Variants in SEZ6L observed in about 807,000 individuals in gnomAD.
SEZ6L encodes seizure 6-like protein.
A neutral mutation model predicts 106.2 loss-of-function variants in SEZ6L; 37 were observed. The observed-to-expected ratio is 0.35, with a 90% CI of 0.27 to 0.46. The LOEUF (loss-of-function observed/expected upper bound fraction) is 0.46, where lower values mean the gene tolerates loss of function less well. Among genes scored for constraint, SEZ6L ranks in the 20% least tolerant of loss-of-function variants. The probability of loss-of-function intolerance (pLI) is 1.00; values close to 1 mark genes in which losing one functional copy is unlikely to be tolerated. For synonymous variants in SEZ6L, 541 were observed against 570.4 expected, an observed-to-expected ratio of 0.95 and a Z score of 0.73; for missense variants, 1,172 against 1,332.8, an observed-to-expected ratio of 0.88 and a Z score of 1.88.
chr22:26,282,541 T>C (rs1297130032), intron 1 of SEZ6L, among the ~76,000 whole-genome samples: 3 of 152,170 alleles, frequency 2.0e-5, no homozygotes, highest in Non-Finnish European at 4.4e-5. Flanking sequence ...GTGGAGCATG[T>C]CTGCAAAGCA....
intron 1 of SEZ6L, among the ~76,000 whole-genome samples, chr22:26,196,647 G>A (rs984201535): frequency 5.3e-5 from 8 of 152,196 alleles, no homozygotes; most frequent in Non-Finnish European, 1.0e-4. Flanking sequence ...CACTTTGACT[G>A]CTGGGTGGAG....
intron 1 of SEZ6L, among the ~76,000 whole-genome samples, chr22:26,278,719 C>T (rs2080638006): frequency 6.7e-6 from 1 of 148,958 alleles, no homozygotes; most frequent in South Asian, 2.1e-4. Context: ...AAATGTGTTC[C>T]ATCATTAAAA....
intron 1 of SEZ6L, among the ~76,000 whole-genome samples, chr22:26,175,182 A>G (rs1266118335): frequency 1.3e-5 from 2 of 152,186 alleles, no homozygotes; most frequent in African/African-American, 2.4e-5. Context: ...AATGCCTAAC[A>G]CAGTCCCTGG....
intron 8 of SEZ6L, among the ~76,000 whole-genome samples, chr22:26,312,249 C>G (rs2081861143): frequency 6.6e-6 from 1 of 152,248 alleles, no homozygotes; most frequent in African/African-American, 2.4e-5. Context: ...AATACTCCCT[C>G]TGCTACGCAT....
At chr22:26,356,990 T>G (rs1030531545) in intron 12 of SEZ6L, among the ~76,000 whole-genome samples, 4 of 151,878 alleles carry the variant, frequency 2.6e-5, no homozygotes, top group African/African-American at 9.7e-5. Context: ...CTGGCTCTGT[T>G]GCCCAGGCCG....
chr22:26,374,607 G>T (rs1267830243), intron 14 of SEZ6L, among the ~76,000 whole-genome samples: 1 of 152,156 alleles, frequency 6.6e-6, no homozygotes, highest in Non-Finnish European at 1.5e-5. Flanking sequence ...CCATTGTAAC[G>T]TTTTGTGCTC....
intron 1 of SEZ6L, among the ~76,000 whole-genome samples, chr22:26,197,713 CT>C (rs904637138): frequency 4.6e-5 from 7 of 151,988 alleles, no homozygotes; most frequent in East Asian, 1.9e-4. Flanking sequence ...AAGAGAAACA[CT>C]TTTTTTTCTA....
intron 1 of SEZ6L, among the ~76,000 whole-genome samples, chr22:26,210,847 A>T (rs773097932): frequency 1.3e-5 from 2 of 152,228 alleles, no homozygotes; most frequent in Non-Finnish European, 2.9e-5. Context: ...CAACATTTAA[A>T]ATAGAAGACT....
At chr22:26,340,100 G>A (rs367941898) in intron 9 of SEZ6L, among the ~76,000 whole-genome samples, 1 of 152,104 alleles carries the variant, frequency 6.6e-6, no homozygotes, top group Non-Finnish European at 1.5e-5. Flanking sequence ...GCCAGACATA[G>A]CAGCATGCAC....
chr22:26,258,232 G>A (rs901372725), intron 1 of SEZ6L, among the ~76,000 whole-genome samples: 17 of 152,106 alleles, frequency 1.1e-4, no homozygotes, highest in African/African-American at 3.6e-4. Flanking sequence ...CATTCAACAG[G>A]TGCTCCCCGA....
chr22:26,204,696 G>C (rs1370362521), intron 1 of SEZ6L, among the ~76,000 whole-genome samples: 1 of 152,188 alleles, frequency 6.6e-6, no homozygotes, highest in Admixed American at 6.5e-5. Flanking sequence ...AGGTGAAGCA[G>C]TTTCCTAGGT....
At chr22:26,282,507 C>T (rs9613152) in intron 1 of SEZ6L, among the ~76,000 whole-genome samples, 22,611 of 152,148 alleles carry the variant, frequency 0.15, 1,936 homozygotes, top group Non-Finnish European at 0.2. Context: ...TCCAGTCTGA[C>T]CTGTTACATA....
chr22:26,292,776 T>C lies in SEZ6L; in HGVS notation c.465T>C (p.Asp155=). 1 of 1,614,030 alleles carries C rather than the reference T, an allele frequency of 6.2e-7. No individual in the cohort carries two copies. The change falls in exon 2 of 17, where the codon GAT becomes GAC. Residue 155 remains aspartate (D), a synonymous_variant. Transcript: ENST00000248933. ...CCCAGCCAGCGTCCCAGGGCCTAGA[T>C]CTCCTCTCCTCCTCCACGGAGAAGC... is the stretch of plus-strand genomic sequence containing the variant. ...AGSQPASQGL[D]LLSSSTEKPG...
Position 26,361,521 on chromosome 22 carries a change from ATAT to A in SEZ6L, c.2600-3850_2600-3848del, listed in dbSNP as rs374191833. ...GACTCTGTCTCAAAAAAAAAAAAAAATATATATATATATATATGTATTAAGTGA... is the reference window on the plus strand; with the variant it reads ...GACTCTGTCTCAAAAAAAAAAAAAAAATATATATATATATGTATTAAGTGA... On this transcript the variant is annotated intron_variant, in intron 12 of 16. Transcript: ENST00000248933. Among the ~76,000 whole-genome samples, 3,730 of 124,328 alleles carry A rather than the reference ATAT, an allele frequency of 0.03. 278 individuals carry two copies. The East Asian group carries it at 0.3, about 10-fold the overall frequency. The allele number at this position is 124,328 out of a possible 152,430, so 81.6% of individuals were successfully genotyped here.
chr22:26,223,438 T>C (rs949595443), intron 1 of SEZ6L, among the ~76,000 whole-genome samples: 8 of 152,248 alleles, frequency 5.3e-5, no homozygotes, highest in Admixed American at 4.6e-4. Flanking sequence ...TTTTTAATTA[T>C]ATTGTAGAGT....
chr22:26,370,340 G>T (rs987671021), intron 13 of SEZ6L, among the ~76,000 whole-genome samples: 1 of 151,964 alleles, frequency 6.6e-6, no homozygotes. Context: ...AGCTGAGATC[G>T]AGCCACTGCA....
intron 9 of SEZ6L, among the ~76,000 whole-genome samples, chr22:26,317,623 T>G (rs2082041383): frequency 6.6e-6 from 1 of 151,988 alleles, no homozygotes; most frequent in Non-Finnish European, 1.5e-5. Context: ...TTTCTACCAC[T>G]AAGCATGCAT....
intron 1 of SEZ6L, among the ~76,000 whole-genome samples, chr22:26,231,856 G>T (rs1002745129): frequency 4.6e-5 from 7 of 152,176 alleles, no homozygotes; most frequent in African/African-American, 1.7e-4. Context: ...TTGGCCCTTA[G>T]CTGTCACCTG....
At chr22:26,378,540 G>T (rs1451276176) in intron 16 of SEZ6L, among the ~76,000 whole-genome samples, 1 of 152,140 alleles carries the variant, frequency 6.6e-6, no homozygotes, top group East Asian at 1.9e-4. Flanking sequence ...ACTTTTTAAG[G>T]ACTATGAAAA....
Sources: allele counts gnomAD v4.1 joint callset (sites outside exome capture counted in the v4.1 genomes callset), GRCh38; gene constraint gnomAD v4.1.1; transcripts MANE v1.5; gene names NCBI Gene and HGNC (gene_info 2026-07-23, HGNC 2026-07-21).